The following INO80D variants were observed in gnomAD, a reference collection of about 807,000 sequenced individuals.
The protein encoded by INO80D is INO80 complex subunit D.
In INO80D, 21 loss-of-function variants were observed where a neutral mutation model predicts 87.6. That is an observed-to-expected ratio of 0.24 (90% CI 0.17 to 0.35). The LOEUF is 0.35. Ranked by LOEUF, INO80D falls within the 10% of genes least tolerant of loss-of-function variation. The pLI, the probability that INO80D is intolerant of heterozygous loss-of-function variation, is 1.00. For synonymous variants in INO80D, 440 were observed against 491.0 expected (o/e 0.90, Z 1.37); for missense variants, 982 against 1,280.7 (o/e 0.77, Z 3.56).
rs893664951 is a variant in INO80D at position 206,011,334 on chromosome 2, C to G, written c.1543-1540G>C. ...TAAGGCTCCCAATGATCACCTGGGT[C>G]AGATTCCTGCCTGATTCTCCTAAGC... On this transcript the variant is annotated intron_variant, in intron 8 of 10. Transcript: ENST00000403263. 4.6e-5 allele frequency among the ~76,000 whole-genome samples: 7 copies of G among 152,146 alleles called. No homozygotes were observed. The East Asian group carries it at 5.8e-4, about 13-fold the overall frequency.
In INO80D at chr2:206,085,721, C is replaced by A. The variant is rs1345456203; in HGVS notation, c.-124+180G>T. The stretch of plus-strand genomic sequence containing the variant: ...CCCCGGAGGCCCTCAGGCCCCCGGC[C>A]TCCACCACCCGGGCGCCGGCCCCAC... On this transcript the variant is annotated intron_variant, in intron 1 of 10. Transcript: ENST00000403263. The surrounding 1 kb of genome is among the most constrained non-coding windows in gnomAD (Gnocchi z 4.5). The A allele has an allele frequency of 6.6e-6, 1 of 150,894 alleles. No homozygotes were observed. Among genetic ancestry groups the A allele is most frequent in the African/African-American group, 2.4e-5 (1 of 41,256 alleles). The allele number at this position is 150,894 out of a possible 1,614,324, so 9.3% of individuals were successfully genotyped here. A position where few individuals can be genotyped will look rare whatever the true frequency, so the allele number is the denominator to read the frequency against.
intron 5 of INO80D, among the ~76,000 whole-genome samples, chr2:206,036,342 T>C (rs1245151820): frequency 6.6e-6 from 1 of 152,094 alleles, no homozygotes; most frequent in African/African-American, 2.4e-5. Flanking sequence ...CCAACCCAAA[T>C]GCCCATCAGT....
At chr2:206,047,713 C>T (rs1014685303) in intron 4 of INO80D, among the ~76,000 whole-genome samples, 4 of 151,784 alleles carry the variant, frequency 2.6e-5, no homozygotes, top group African/African-American at 9.7e-5. Context: ...ATTTCAACAA[C>T]GAAGGGCCCT....
In INO80D at chr2:206,005,348, T is replaced by C; in HGVS notation, c.2104A>G (p.Ile702Val). The change falls in exon 11 of 11, where the codon ATA becomes GTA. Residue 702 changes from isoleucine (I) to valine (V), a missense_variant. Physicochemically the swap from Ile to Val is conservative, Grantham distance 29. Coordinates refer to ENST00000403263, the MANE Select transcript of INO80D (RefSeq NM_017759.5). The stretch of plus-strand genomic sequence containing the variant: ...TTCACCTCTCGGCTCAAGGATTGTA[T>C]TCCTGAAGCTCCAGTACCTGTGGAG... ...VFSTGTGASG[I>V]QSLSREVNTD... 1 of 1,614,018 alleles carries C rather than the reference T, an allele frequency of 6.2e-7. No individual in the cohort carries two copies. The highest frequency in any genetic ancestry group is 8.5e-7 in the Non-Finnish European group (1 of 1,179,896).
At chr2:206,036,329 G>A (rs189540445) in intron 5 of INO80D, among the ~76,000 whole-genome samples, 189 of 152,246 alleles carry the variant, frequency 1.2e-3, no homozygotes, top group Non-Finnish European at 2.0e-3. Context: ...CAAAATCATG[G>A]AACCAACCCA....
intron 5 of INO80D, among the ~76,000 whole-genome samples, chr2:206,042,938 C>T (rs1056702636): frequency 6.6e-6 from 1 of 152,226 alleles, no homozygotes; most frequent in Admixed American, 6.5e-5. Flanking sequence ...CACCACTGCA[C>T]TCCCGCCTGG....
chr2:206,006,598 G>A (rs182654030), intron 10 of INO80D, among the ~76,000 whole-genome samples: 12 of 150,960 alleles, frequency 7.9e-5, no homozygotes, highest in African/African-American at 2.9e-4. Context: ...CAGGAGAATC[G>A]CTGGAACATG....
chr2:206,049,791 C>A (rs1689299128), intron 4 of INO80D, among the ~76,000 whole-genome samples: 1 of 152,182 alleles, frequency 6.6e-6, no homozygotes, highest in South Asian at 2.1e-4. Context: ...CCCAAAGTAA[C>A]TTTTGCTTTG....
Position 206,000,946 on chromosome 2 carries a change from T to A in INO80D, c.*3422A>T, listed in dbSNP as rs1687898983. The A allele has an allele frequency of 6.6e-6, 1 of 152,196 alleles. No individual in the cohort carries two copies. Among genetic ancestry groups the A allele is most frequent in the Admixed American group, 6.5e-5 (1 of 15,280 alleles). 9.4% of individuals were successfully genotyped at this position (152,196 alleles called of 1,614,324 possible). The stretch of plus-strand genomic sequence containing the variant: ...TGCCAACATGAAATTGCTCAGGAAG[T>A]CATTTATAAAGCAGTTATATCACAC... On this transcript the variant is annotated 3_prime_UTR_variant, in exon 11 of 11. Coordinates refer to ENST00000403263, the MANE Select transcript of INO80D (RefSeq NM_017759.5).
At chr2:206,041,493 C>T (rs770858499) in intron 5 of INO80D, among the ~76,000 whole-genome samples, 2 of 152,130 alleles carry the variant, frequency 1.3e-5, no homozygotes, top group Non-Finnish European at 2.9e-5. Flanking sequence ...TAATAAAAGG[C>T]CACTTCATCA....
intron 7 of INO80D, 96 bp downstream of exon 7, chr2:206,019,640 G>A: frequency 1.3e-6 from 1 of 788,868 alleles, no homozygotes; most frequent in Non-Finnish European, 2.1e-6. Flanking sequence ...AACAGTTATG[G>A]TTTCAAAAGT....
chr2:206,040,220 G>T (rs1263481312), intron 5 of INO80D, among the ~76,000 whole-genome samples: 2 of 148,100 alleles, frequency 1.4e-5, no homozygotes, highest in Non-Finnish European at 3.0e-5. Flanking sequence ...TTGAACTCAG[G>T]AGGTTTAGTG....
intron 3 of INO80D, among the ~76,000 whole-genome samples, chr2:206,059,834 G>A (rs528298013): frequency 6.6e-6 from 1 of 152,224 alleles, no homozygotes; most frequent in African/African-American, 2.4e-5. Flanking sequence ...ACAAAGCAAT[G>A]GCCAGCAAAG....
At chr2:206,030,466 A>AG in intron 5 of INO80D, among the ~76,000 whole-genome samples, 1 of 151,928 alleles carries the variant, frequency 6.6e-6, no homozygotes, top group East Asian at 1.9e-4. Context: ...TTGTCTCAAA[A>AG]AAAAAAAAGA....
intron 8 of INO80D, among the ~76,000 whole-genome samples, chr2:206,014,594 G>A (rs1400597099): frequency 2.0e-5 from 3 of 152,044 alleles, no homozygotes; most frequent in Non-Finnish European, 4.4e-5. Context: ...TGATTGTGAG[G>A]CCTCCCCAGC....
chr2:206,025,542 A>AAAAAAAAAATATATAT (rs71301548), intron 6 of INO80D: 23 of 76,930 alleles, frequency 3.0e-4, no homozygotes, highest in African/African-American at 9.6e-4. Flanking sequence ...AAAAAAAAAA[A>AAAAAAAAAATATATAT]ATATATATAT....
At position 206,050,496 on chromosome 2, in the gene INO80D, GAAAAAA is replaced by G. The variant is rs3079265; in HGVS notation, c.965-3890_965-3885del. Among the ~76,000 whole-genome samples the G allele has an allele frequency of 2.7e-3, 267 of 99,536 alleles. No homozygotes were observed. In the South Asian group the frequency reaches 0.033, roughly 12 times the overall value. 65.3% of individuals were successfully genotyped at this position (99,536 alleles called of 152,430 possible). A position where few individuals can be genotyped will look rare whatever the true frequency, so the allele number is the denominator to read the frequency against. On this transcript the variant is annotated intron_variant, in intron 4 of 10. Coordinates refer to ENST00000403263, the MANE Select transcript of INO80D (RefSeq NM_017759.5). ...GACAGAGCAGGACTCCGTCTCAAAA[GAAAAAA>G]AAAAAAAAAAAAAAAAAAAAAAGAT... is the stretch of plus-strand genomic sequence containing the variant.
intron 1 of INO80D, among the ~76,000 whole-genome samples, chr2:206,083,824 A>G (rs77785818): frequency 0.079 from 11,397 of 144,044 alleles, 672 homozygotes; most frequent in Admixed American, 0.19. Context: ...CAAGCAGGAC[A>G]CCGCACATAA....
intron 6 of INO80D, among the ~76,000 whole-genome samples, chr2:206,026,354 T>C (rs1025693450): frequency 6.6e-6 from 1 of 152,042 alleles, no homozygotes; most frequent in Admixed American, 6.6e-5. Context: ...AAGACCAGCC[T>C]GGCCAACATG....
Sources: gnomAD v4.1 joint callset for allele counts (sites outside exome capture counted in the v4.1 genomes callset) on GRCh38, gnomAD v4.1.1 for gene constraint, Gnocchi (gnomAD v3.1) non-coding constraint, MANE v1.5 for transcripts, NCBI Gene and HGNC (gene_info 2026-07-23, HGNC 2026-07-21) for gene names.